Variants in SRL observed in about 807,000 individuals in gnomAD.
SRL encodes sarcalumenin.
In SRL, 23 loss-of-function variants were observed where a neutral mutation model predicts 39.5. The observed-to-expected ratio is 0.58, with a 90% CI of 0.42 to 0.82. SRL has a LOEUF of 0.82. Among genes scored for constraint, SRL ranks in the 40% least tolerant of loss-of-function variants. The pLI is 0.00. For synonymous variants in SRL, 272 were observed against 237.4 expected (o/e 1.15, Z -1.34); for missense variants, 592 against 607.8 (o/e 0.97, Z 0.27).
At chr16:4,211,751 A>C (rs534315412) in intron 1 of SRL, among the ~76,000 whole-genome samples, 19 of 146,848 alleles carry the variant, frequency 1.3e-4, no homozygotes, top group African/African-American at 4.9e-4. Context: ...CGTGATGATG[A>C]TGATGATGGT....
At chr16:4,196,361 T>C (rs1268065721) in intron 4 of SRL, among the ~76,000 whole-genome samples, 3 of 152,190 alleles carry the variant, frequency 2.0e-5, no homozygotes, top group Non-Finnish European at 4.4e-5. Flanking sequence ...CAGAATGTTT[T>C]TATCTTCCCA....
chr16:4,194,686 C>T (rs1005170975), intron 5 of SRL, among the ~76,000 whole-genome samples: 1 of 152,146 alleles, frequency 6.6e-6, no homozygotes, highest in Admixed American at 6.5e-5. Flanking sequence ...GCAGAGAGGA[C>T]TAGGCCCCCA....
At chr16:4,221,439 G>C (rs936011080) in intron 1 of SRL, among the ~76,000 whole-genome samples, 3 of 152,180 alleles carry the variant, frequency 2.0e-5, no homozygotes, top group East Asian at 1.9e-4. Context: ...CCCCTGAAGA[G>C]AGGAAGGCTG....
intron 5 of SRL, among the ~76,000 whole-genome samples, chr16:4,193,778 G>A (rs970531014): frequency 4.6e-5 from 7 of 151,634 alleles, no homozygotes; most frequent in Non-Finnish European, 1.0e-4. Flanking sequence ...AGGAGATGAG[G>A]ACTACCTGTC....
At chr16:4,196,576 G>A (rs929896856) in intron 4 of SRL, among the ~76,000 whole-genome samples, 19 of 150,888 alleles carry the variant, frequency 1.3e-4, no homozygotes, top group Admixed American at 4.0e-4. Flanking sequence ...CCGCCCCCGG[G>A]TTCAAGCGAT....
intron 1 of SRL, chr16:4,207,882 G>A: frequency 2.2e-6 from 1 of 456,598 alleles, no homozygotes; most frequent in South Asian, 1.5e-5. Flanking sequence ...GGAGAGGCTG[G>A]CTTCAGGATC....
chr16:4,203,992 C>A (rs973681545), intron 2 of SRL, among the ~76,000 whole-genome samples: 16 of 152,178 alleles, frequency 1.1e-4, no homozygotes, highest in African/African-American at 3.1e-4. Flanking sequence ...CTGCTGGGAG[C>A]CCACAGTGGG....
chr16:4,211,433 G>A (rs59847358), intron 1 of SRL, among the ~76,000 whole-genome samples: 7 of 152,008 alleles, frequency 4.6e-5, no homozygotes, highest in African/African-American at 1.5e-4. Flanking sequence ...GGTGATGACC[G>A]TGCCGATGAT....
In SRL at chr16:4,197,889, C is replaced by T. The variant is rs1405953940; in HGVS notation, c.286G>A (p.Val96Ile). Residue 96 changes from valine to isoleucine, a missense_variant, in exon 4 of 6, where the codon GTA becomes ATA. By Grantham distance (29) the Val-to-Ile change is conservative. Coordinates refer to ENST00000399609, the MANE Select transcript of SRL (RefSeq NM_001098814.2). ...ACACTCCACGGTCCCAGGAACAGTA[C>T]CATGGGCTTGGAGGTAATCTCTCCA... ...TDGEITSKPM[V>I]LFLGPWSVGK... 2.5e-6 allele frequency: 4 copies of T among 1,613,602 alleles called. No individual in the cohort carries two copies. Among genetic ancestry groups the T allele is most frequent in the South Asian group, 1.1e-5 (1 of 91,080 alleles).
At chr16:4,239,555 G>C (rs376153351) in intron 1 of SRL, 1 of 152,338 alleles carries the variant, frequency 6.6e-6, no homozygotes, top group Admixed American at 6.5e-5. Flanking sequence ...CAAAAGCATA[G>C]CTCTTCGCCC....
At chr16:4,196,669 C>A (rs1432976688) in intron 4 of SRL, among the ~76,000 whole-genome samples, 1 of 151,994 alleles carries the variant, frequency 6.6e-6, no homozygotes, top group Admixed American at 6.6e-5. Context: ...TTAGTAGAGA[C>A]AAGGTTTCAC....
At chr16:4,220,380 G>A (rs1303928086) in intron 1 of SRL, among the ~76,000 whole-genome samples, 3 of 151,482 alleles carry the variant, frequency 2.0e-5, no homozygotes, top group Non-Finnish European at 4.4e-5. Context: ...CCCGGGAGGT[G>A]GAGGCTGCAG....
chr16:4,192,380 C>G lies in SRL; in HGVS notation c.1195G>C (p.Glu399Gln). 1 of 1,614,134 alleles carries G rather than the reference C, an allele frequency of 6.2e-7. No homozygotes were observed. Among genetic ancestry groups the G allele is most frequent in the Non-Finnish European group, 8.5e-7 (1 of 1,180,036 alleles). ...ATGCCGAAGAAGTCCTTATAGGCCTCGCGGTTGGGAAGGTCAAATTTGCTG... is the reference window on the plus strand; with the variant it reads ...ATGCCGAAGAAGTCCTTATAGGCCTGGCGGTTGGGAAGGTCAAATTTGCTG... ...NVSKFDLPNR[E>Q]AYKDFFGINP... The change falls in exon 6 of 6, where the codon GAG becomes CAG. Residue 399 changes from glutamate to glutamine, a missense_variant. Glu to Gln is a conservative substitution (Grantham distance 29). Transcript: ENST00000399609. This position sits in a 1 kb window ranked among gnomAD's most constrained non-coding sequence, Gnocchi z 4.0.
At chr16:4,206,843 C>T (rs2052325447) in intron 1 of SRL, 1 of 456,822 alleles carries the variant, frequency 2.2e-6, no homozygotes, top group African/African-American at 2.0e-5. Context: ...CCGGGCCAGG[C>T]TGGGCCCCTC....
At chr16:4,230,179 C>T (rs1256212426) in intron 1 of SRL, among the ~76,000 whole-genome samples, 2 of 152,136 alleles carry the variant, frequency 1.3e-5, no homozygotes, top group African/African-American at 4.8e-5. Flanking sequence ...AGCCAGTCCT[C>T]CATCTGTTCA....
At chr16:4,222,324 G>C (rs1285705143) in intron 1 of SRL, among the ~76,000 whole-genome samples, 1 of 152,218 alleles carries the variant, frequency 6.6e-6, no homozygotes, top group Non-Finnish European at 1.5e-5. Flanking sequence ...ACCCAGGATA[G>C]AGTGCAGTGG....
At chr16:4,214,814 G>A (rs549447713) in intron 1 of SRL, among the ~76,000 whole-genome samples, 1 of 151,228 alleles carries the variant, frequency 6.6e-6, no homozygotes, top group Admixed American at 6.6e-5. Flanking sequence ...GTCGCCCAGG[G>A]TGGAGTACAG....
rs2052715522 is a variant in SRL, at chr16:4,236,528, A to T, written c.61+5479T>A. ...GAGCCTCCCTCTCATCTTTACGTAAATGAATCTCACTCCTAAATGCCCTGA... is the reference window on the plus strand; with the variant it reads ...GAGCCTCCCTCTCATCTTTACGTAATTGAATCTCACTCCTAAATGCCCTGA... On this transcript the variant is annotated intron_variant, in intron 1 of 5. Transcript: ENST00000399609. Among the ~76,000 whole-genome samples, 3 of 151,952 alleles carry T rather than the reference A, an allele frequency of 2.0e-5. No homozygotes were observed. The South Asian group carries it at 6.2e-4, about 32-fold the overall frequency.
intron 1 of SRL, among the ~76,000 whole-genome samples, chr16:4,224,272 A>G (rs1355727405): frequency 6.6e-6 from 1 of 152,200 alleles, no homozygotes; most frequent in Non-Finnish European, 1.5e-5. Context: ...ACAGAAGAGA[A>G]AAACACCAAC....
Sources: allele counts gnomAD v4.1 joint callset (sites outside exome capture counted in the v4.1 genomes callset), GRCh38; gene constraint gnomAD v4.1.1; non-coding constraint Gnocchi (gnomAD v3.1); transcripts MANE v1.5; gene names NCBI Gene and HGNC (gene_info 2026-07-23, HGNC 2026-07-21).